Variants in CAST observed in about 807,000 individuals in gnomAD.
The protein encoded by CAST is calpastatin, also known as MIR583 host.
A neutral mutation model predicts 119.6 loss-of-function variants in CAST; 76 were observed. The ratio of observed to expected loss-of-function variants is 0.64; its 90% CI spans 0.53 to 0.77. The LOEUF (loss-of-function observed/expected upper bound fraction) is 0.77. Among genes scored for constraint, CAST ranks in the 30% least tolerant of loss-of-function variants. The pLI is 0.00. For missense variants in CAST, 953 were observed against 946.5 expected (o/e 1.01, Z -0.09); for synonymous variants, 319 against 331.6 (o/e 0.96, Z 0.41).
At chr5:96,741,429 G>T in intron 14 of CAST, 65 bp from the exon 15 acceptor site, 5 of 1,482,240 alleles carry the variant, frequency 3.4e-6, no homozygotes, top group Non-Finnish European at 4.7e-6. Context: ...TAACTTTTTA[G>T]TTCAGGCTAT....
At chr5:96,246,574 C>A in the CAST span, among the ~76,000 whole-genome samples, 1 of 152,208 alleles carries the variant, frequency 6.6e-6, no homozygotes, top group African/African-American at 2.4e-5. Context: ...ACCTTTCTCA[C>A]TCCACTGGCA....
chr5:95,994,513 G>A, the CAST span, among the ~76,000 whole-genome samples: 1 of 151,860 alleles, frequency 6.6e-6, no homozygotes, highest in Non-Finnish European at 1.5e-5. Context: ...ATTTTTTTGG[G>A]TGATGGAAAT....
chr5:96,122,708 G>A, the CAST span, among the ~76,000 whole-genome samples: 11 of 149,902 alleles, frequency 7.3e-5, no homozygotes, highest in African/African-American at 2.7e-4. Context: ...GAAAGCAAGA[G>A]TTTACTGTTT....
chr5:96,184,674 A>C, the CAST span, among the ~76,000 whole-genome samples: 1 of 152,058 alleles, frequency 6.6e-6, no homozygotes, highest in Non-Finnish European at 1.5e-5. Context: ...GTCTCTGCAA[A>C]GGACATGATC....
At chr5:96,402,891 T>G in the CAST span, among the ~76,000 whole-genome samples, 1 of 152,164 alleles carries the variant, frequency 6.6e-6, no homozygotes, top group Non-Finnish European at 1.5e-5. Context: ...TGCCTCATGA[T>G]CACCTGGTAC....
the CAST span, among the ~76,000 whole-genome samples, chr5:96,225,916 C>T: frequency 6.6e-6 from 1 of 152,060 alleles, no homozygotes; most frequent in African/African-American, 2.4e-5. Flanking sequence ...CCTTTTTCTT[C>T]TTTCTCTTTT....
chr5:96,068,254 T>TA, the CAST span, among the ~76,000 whole-genome samples: 613 of 152,278 alleles, frequency 4.0e-3, 10 homozygotes, highest in African/African-American at 0.013. Context: ...CCTGGTCTCT[T>TA]AGAGATCTAG....
chr5:96,472,387 TATTG>T, the CAST span, among the ~76,000 whole-genome samples: 1 of 152,182 alleles, frequency 6.6e-6, no homozygotes, highest in African/African-American at 2.4e-5. Flanking sequence ...GGGGGGCAAG[TATTG>T]ATTGATTGGT....
chr5:96,557,234 G>A (rs1325543151), intron 1 of CAST, among the ~76,000 whole-genome samples: 10 of 151,944 alleles, frequency 6.6e-5, no homozygotes, highest in Admixed American at 6.6e-4. Context: ...AGGAACAACT[G>A]GTACCAGCCA....
chr5:96,343,434 G>T, the CAST span, among the ~76,000 whole-genome samples: 1 of 152,124 alleles, frequency 6.6e-6, no homozygotes, highest in Non-Finnish European at 1.5e-5. Context: ...TTTTTAGGGG[G>T]TTGAGAGGAG....
intron 1 of CAST, among the ~76,000 whole-genome samples, chr5:96,663,575 T>A (rs1210359169): frequency 6.6e-6 from 1 of 152,126 alleles, no homozygotes; most frequent in East Asian, 1.9e-4. Flanking sequence ...AGTTCAAAAC[T>A]TTTAGAGGGC....
chr5:96,604,115 C>T (rs552162272), intron 1 of CAST, among the ~76,000 whole-genome samples: 2 of 152,212 alleles, frequency 1.3e-5, no homozygotes, highest in Non-Finnish European at 2.9e-5. Flanking sequence ...ACACTAGCAT[C>T]ACCGCATGAG....
the CAST span, among the ~76,000 whole-genome samples, chr5:96,461,702 T>G: frequency 1.3e-5 from 2 of 152,158 alleles, no homozygotes; most frequent in Admixed American, 6.6e-5. Context: ...ATTAATAATA[T>G]ATTTTTTACC....
intron 1 of CAST, among the ~76,000 whole-genome samples, chr5:96,569,383 C>G (rs1421436788): frequency 1.3e-5 from 2 of 152,132 alleles, no homozygotes; most frequent in African/African-American, 4.8e-5. Flanking sequence ...GAATAATAAA[C>G]AGGAATAATT....
the CAST span, among the ~76,000 whole-genome samples, chr5:96,204,504 AACC>A: frequency 6.6e-6 from 1 of 152,082 alleles, no homozygotes; most frequent in South Asian, 2.1e-4. Flanking sequence ...ACACAGTAGA[AACC>A]AGGCTACAAG....
At chr5:96,212,464 C>T in the CAST span, among the ~76,000 whole-genome samples, 2 of 151,998 alleles carry the variant, frequency 1.3e-5, no homozygotes, top group African/African-American at 4.8e-5. Context: ...GGTTTCAATC[C>T]TTTAAATTTG....
chr5:95,962,288 T>C, the CAST span, among the ~76,000 whole-genome samples: 2 of 152,194 alleles, frequency 1.3e-5, no homozygotes, highest in Non-Finnish European at 1.5e-5. Flanking sequence ...ACCTCCACTA[T>C]GTAAGGGGAT....
rs543167561 is a variant in CAST, at chr5:96,585,600, A to C, written c.60+55720A>C. 1.2e-3 allele frequency among the ~76,000 whole-genome samples: 186 copies of C among 152,244 alleles called. 1 individual carries two copies. Among genetic ancestry groups the C allele is most frequent in the Middle Eastern group, 3.4e-3 (1 of 294 alleles). On this transcript the variant is annotated intron_variant, in intron 1 of 11. Coordinates refer to the CAST transcript ENST00000505143. ...GTGTTTAGAATGAAAGAATTACCAC[A>C]ATCAAACACATCTATGATTAACTGC... is the stretch of plus-strand genomic sequence containing the variant.
the CAST span, among the ~76,000 whole-genome samples, chr5:96,288,777 A>G: frequency 1.3e-5 from 2 of 152,156 alleles, no homozygotes; most frequent in African/African-American, 4.8e-5. Context: ...CAGTTCCTCT[A>G]TTAAAGACAT....
Sources: gnomAD v4.1 joint callset for allele counts (sites outside exome capture counted in the v4.1 genomes callset) on GRCh38, gnomAD v4.1.1 for gene constraint, MANE v1.5 for transcripts, NCBI Gene and HGNC (gene_info 2026-07-23, HGNC 2026-07-21) for gene names.